The following ANKRD31 variants were observed in gnomAD, a reference collection of about 807,000 sequenced individuals.
ANKRD31 encodes the protein ankyrin repeat domain 31.
A neutral mutation model predicts 186.0 loss-of-function variants in ANKRD31; 147 were observed. The observed-to-expected ratio is 0.79, with a 90% CI of 0.69 to 0.91. The LOEUF is 0.91. ANKRD31 is among the 40% of genes least tolerant of loss of function. The probability of loss-of-function intolerance (pLI) is 0.00; values close to 1 mark genes in which losing one functional copy is unlikely to be tolerated. For synonymous variants in ANKRD31, 673 were observed against 736.4 expected (o/e 0.91, Z 1.39); for missense variants, 1,986 against 2,148.8 (o/e 0.92, Z 1.50).
At chr5:75,119,782 C>T (rs1467167711) in intron 17 of ANKRD31, among the ~76,000 whole-genome samples, 1 of 152,142 alleles carries the variant, frequency 6.6e-6, no homozygotes, top group Non-Finnish European at 1.5e-5. Flanking sequence ...TAAATAATAG[C>T]CATTCTGACT....
chr5:75,172,224 T>C (rs537719938), intron 10 of ANKRD31, among the ~76,000 whole-genome samples: 1 of 152,082 alleles, frequency 6.6e-6, no homozygotes, highest in African/African-American at 2.4e-5. Context: ...ATACAGTTTA[T>C]TCTAAGAATG....
chr5:75,132,767 A>G (rs983588163), intron 17 of ANKRD31, among the ~76,000 whole-genome samples: 5 of 152,200 alleles, frequency 3.3e-5, no homozygotes, highest in Non-Finnish European at 7.3e-5. Context: ...AGCCAGAGAG[A>G]AAGGTCGAGT....
intron 17 of ANKRD31, among the ~76,000 whole-genome samples, chr5:75,122,592 T>C (rs946277929): frequency 6.6e-6 from 1 of 152,104 alleles, no homozygotes; most frequent in South Asian, 2.1e-4. Context: ...CATGACCAAG[T>C]GGGTTGTATT....
At position 75,080,652 on chromosome 5, in the gene ANKRD31, CA is replaced by C; in HGVS notation, c.5576-14del. 6.6e-7 allele frequency: 1 copy of C among 1,520,732 alleles called. No homozygotes were observed. The highest frequency in any genetic ancestry group is 8.8e-7 in the Non-Finnish European group (1 of 1,139,404). 94.2% of individuals were successfully genotyped at this position (1,520,732 alleles called of 1,614,324 possible). ...AAACAAGCAACTTCTGAAAGTGAAA[CA>C]AAACGTTAGTAATAATTTTGCTGAA... On this transcript the variant is annotated splice_polypyrimidine_tract_variant and intron_variant, in intron 24 of 25. Transcript: ENST00000506364.
Position 75,087,356 on chromosome 5 carries a change from A to G in ANKRD31, c.5473-2982T>C, listed in dbSNP as rs140904414. Among the ~76,000 whole-genome samples, 1,260 of 151,990 alleles carry G rather than the reference A, an allele frequency of 8.3e-3. 29 individuals are homozygous for G. Among genetic ancestry groups the G allele is most frequent in the African/African-American group, 0.028 (1,169 of 41,420 alleles). ...ACCCCGTCTCTACTAAAAATACAAA[A>G]ATTAGCCAGGCATGGTGGTGCATGC... On this transcript the variant is annotated intron_variant, in intron 23 of 25. Transcript: ENST00000506364.
chr5:75,184,437 A>C (rs1220211516), intron 10 of ANKRD31, among the ~76,000 whole-genome samples: 1 of 152,188 alleles, frequency 6.6e-6, no homozygotes, highest in Non-Finnish European at 1.5e-5. Context: ...CACAGAAAAC[A>C]ATCAACAGAG....
At chr5:75,130,685 C>T (rs2150109392) in intron 17 of ANKRD31, among the ~76,000 whole-genome samples, 1 of 152,268 alleles carries the variant, frequency 6.6e-6, no homozygotes, top group South Asian at 2.1e-4. Context: ...TAGCTAGACA[C>T]AGAGTGCTGA....
chr5:75,225,057 T>A (rs1037452068), intron 2 of ANKRD31, among the ~76,000 whole-genome samples: 1 of 152,212 alleles, frequency 6.6e-6, no homozygotes, highest in Non-Finnish European at 1.5e-5. Flanking sequence ...CTAAATCAGA[T>A]ACTTTTTATT....
rs547555845 is a variant in ANKRD31, at chr5:75,121,200, GA to G, written c.3877-2904del. On this transcript the variant is annotated intron_variant, in intron 17 of 25. Transcript: ENST00000506364. ...CTATATAAAAAAAAAAAAAAAGATA[GA>G]GGGGTGGAAAATGATATTTAATGAT... Among the ~76,000 whole-genome samples the G allele has an allele frequency of 2.5e-3, 372 of 149,514 alleles. 2 individuals are homozygous for G. The highest frequency in any genetic ancestry group is 3.8e-3 in the Non-Finnish European group (258 of 67,386).
At chr5:75,155,257 A>G (rs974928268) in intron 11 of ANKRD31, among the ~76,000 whole-genome samples, 1 of 151,710 alleles carries the variant, frequency 6.6e-6, no homozygotes, top group African/African-American at 2.4e-5. Flanking sequence ...AGTCTAGTCC[A>G]ATAGGTATGT....
chr5:75,174,016 C>T (rs975737223), intron 10 of ANKRD31, among the ~76,000 whole-genome samples: 3 of 151,976 alleles, frequency 2.0e-5, no homozygotes, highest in Admixed American at 6.6e-5. Context: ...GCATGGTACT[C>T]GTACCAAAAC....
At chr5:75,078,586 C>T (rs1396564825) in intron 25 of ANKRD31, among the ~76,000 whole-genome samples, 2 of 152,038 alleles carry the variant, frequency 1.3e-5, no homozygotes, top group Non-Finnish European at 2.9e-5. Flanking sequence ...TAGATGAATA[C>T]ACTTAGCTTA....
intron 17 of ANKRD31, among the ~76,000 whole-genome samples, chr5:75,131,618 C>T (rs571823431): frequency 5.3e-5 from 8 of 152,324 alleles, no homozygotes; most frequent in East Asian, 3.9e-4. Context: ...GCAGAAACTT[C>T]GGCAGACTTA....
intron 17 of ANKRD31, among the ~76,000 whole-genome samples, chr5:75,121,942 A>G (rs1561443995): frequency 6.6e-6 from 1 of 152,076 alleles, no homozygotes. Flanking sequence ...TAGCAGAAGA[A>G]AAGAAATAAC....
At chr5:75,068,731 A>G in intron 25 of ANKRD31, 67 bp from the exon 26 acceptor site, 1 of 1,416,040 alleles carries the variant, frequency 7.1e-7, no homozygotes, top group South Asian at 1.6e-5. Flanking sequence ...TTTTGCTATT[A>G]CAAATCCTAG....
chr5:75,175,223 C>A (rs4704183), intron 10 of ANKRD31, among the ~76,000 whole-genome samples: 4 of 152,004 alleles, frequency 2.6e-5, no homozygotes, highest in East Asian at 1.9e-4. Context: ...ACACTGAGGC[C>A]TGTCGGGTCG....
intron 11 of ANKRD31, 99 bp from the exon 12 acceptor site, chr5:75,154,444 T>C: frequency 9.6e-7 from 1 of 1,046,148 alleles, no homozygotes; most frequent in Non-Finnish European, 1.3e-6. Flanking sequence ...ATATCTCTTT[T>C]GAAAATACTG....
chr5:75,132,555 A>G (rs1033976246), intron 17 of ANKRD31, among the ~76,000 whole-genome samples: 1 of 152,206 alleles, frequency 6.6e-6, no homozygotes, highest in Non-Finnish European at 1.5e-5. Context: ...TGTACCTGAA[A>G]GTGACGGGAG....
chr5:75,169,202 G>C, intron 10 of ANKRD31, 81 bp from the exon 11 acceptor site: 2 of 1,429,488 alleles, frequency 1.4e-6, no homozygotes, highest in African/African-American at 2.9e-5. Flanking sequence ...AAACAACTTT[G>C]ATTCTAAGTT....
Sources: gnomAD v4.1 joint callset for allele counts (sites outside exome capture counted in the v4.1 genomes callset) on GRCh38, gnomAD v4.1.1 for gene constraint, MANE v1.5 for transcripts, NCBI Gene and HGNC (gene_info 2026-07-23, HGNC 2026-07-21) for gene names.